Variants in GPC5 observed in about 807,000 individuals in gnomAD.
The protein encoded by GPC5 is glypican 5.
GPC5 carries 47 observed loss-of-function variants against 53.9 expected under a neutral mutation model. The observed-to-expected ratio is 0.87, with a 90% CI of 0.69 to 1.11. GPC5 has a LOEUF of 1.11. Ranked by LOEUF, GPC5 falls within the 50% of genes most tolerant of loss-of-function variation. The pLI, the probability that GPC5 is intolerant of heterozygous loss-of-function variation, is 0.00. For missense variants in GPC5, 748 were observed against 713.1 expected (o/e 1.05, Z -0.56); for synonymous variants, 286 against 263.3 (o/e 1.09, Z -0.84).
At chr13:92,245,076 T>G (rs2042640703) in intron 7 of GPC5, among the ~76,000 whole-genome samples, 3 of 151,904 alleles carry the variant, frequency 2.0e-5, no homozygotes, top group Admixed American at 2.0e-4. Context: ...TCCTTCTGGT[T>G]AAATGTTCTC....
At chr13:92,478,646 G>T (rs1470405673) in intron 7 of GPC5, among the ~76,000 whole-genome samples, 25 of 152,106 alleles carry the variant, frequency 1.6e-4, no homozygotes, top group Non-Finnish European at 3.4e-4. Context: ...AATAGGAAGA[G>T]AAAAGATAAA....
chr13:92,784,903 T>C (rs973824201), intron 7 of GPC5, among the ~76,000 whole-genome samples: 1 of 152,200 alleles, frequency 6.6e-6, no homozygotes. Flanking sequence ...TTATAGACTG[T>C]ATTATATCAT....
intron 2 of GPC5, among the ~76,000 whole-genome samples, chr13:91,635,702 C>T (rs2034268634): frequency 6.6e-6 from 1 of 152,152 alleles, no homozygotes; most frequent in African/African-American, 2.4e-5. Context: ...TAGTTTCCCA[C>T]TGCTACTTCC....
chr13:92,257,078 T>C (rs773189440), intron 7 of GPC5, among the ~76,000 whole-genome samples: 1 of 152,132 alleles, frequency 6.6e-6, no homozygotes, highest in Non-Finnish European at 1.5e-5. Flanking sequence ...TTTCTTACTT[T>C]ACCAATAAAA....
intron 7 of GPC5, among the ~76,000 whole-genome samples, chr13:92,605,585 TTTTTTTTA>T (rs1566315816): frequency 1.3e-5 from 2 of 149,262 alleles, no homozygotes; most frequent in South Asian, 2.1e-4. Flanking sequence ...AGTTTTTTTT[TTTTTTTTA>T]TTTTTTTGAG....
At chr13:91,946,629 T>C (rs558754552) in intron 6 of GPC5, among the ~76,000 whole-genome samples, 1 of 152,208 alleles carries the variant, frequency 6.6e-6, no homozygotes, top group Non-Finnish European at 1.5e-5. Context: ...TCAGATTGCA[T>C]GTTACGTGAC....
intron 2 of GPC5, among the ~76,000 whole-genome samples, chr13:91,550,582 G>C (rs992022374): frequency 2.0e-5 from 3 of 152,122 alleles, no homozygotes; most frequent in Non-Finnish European, 4.4e-5. Context: ...TGTTCTTGTG[G>C]ATAGGAAGTA....
intron 7 of GPC5, chr13:92,490,145 G>A (rs1412508795): frequency 6.5e-6 from 1 of 154,346 alleles, no homozygotes. Flanking sequence ...GGTTCTTTGT[G>A]AATTATTAGG....
intron 7 of GPC5, among the ~76,000 whole-genome samples, chr13:92,168,095 C>T (rs1041575255): frequency 3.9e-5 from 6 of 152,014 alleles, no homozygotes; most frequent in Non-Finnish European, 8.8e-5. Flanking sequence ...CAATCATGGC[C>T]CTGATAAAAA....
intron 7 of GPC5, among the ~76,000 whole-genome samples, chr13:92,698,297 C>T (rs2139244740): frequency 6.6e-6 from 1 of 152,178 alleles, no homozygotes; most frequent in Non-Finnish European, 1.5e-5. Context: ...GGTGTATCTC[C>T]TAATGCTATC....
At chr13:91,461,538 G>A (rs546039074) in intron 2 of GPC5, among the ~76,000 whole-genome samples, 4 of 152,226 alleles carry the variant, frequency 2.6e-5, no homozygotes, top group South Asian at 4.1e-4. Flanking sequence ...AGAATGGAAC[G>A]ATAATAGTAC....
chr13:91,829,955 C>A (rs2038629967), intron 5 of GPC5, among the ~76,000 whole-genome samples: 1 of 152,062 alleles, frequency 6.6e-6, no homozygotes, highest in Non-Finnish European at 1.5e-5. Context: ...ATTAAAATTG[C>A]TAATGAAGTT....
At chr13:92,534,562 T>C (rs1881663935) in intron 7 of GPC5, among the ~76,000 whole-genome samples, 1 of 152,142 alleles carries the variant, frequency 6.6e-6, no homozygotes, top group Non-Finnish European at 1.5e-5. Flanking sequence ...ATTTTTTAGG[T>C]AGAAAATGGA....
At chr13:92,497,958 T>A (rs7490474) in intron 7 of GPC5, among the ~76,000 whole-genome samples, 28,773 of 151,878 alleles carry the variant, frequency 0.19, 2,693 homozygotes, top group South Asian at 0.21. Context: ...CTGAGACTGC[T>A]GAAGTTGCTT....
intron 5 of GPC5, among the ~76,000 whole-genome samples, chr13:91,828,838 A>G (rs2038613712): frequency 6.6e-6 from 1 of 152,084 alleles, no homozygotes; most frequent in Non-Finnish European, 1.5e-5. Flanking sequence ...CTTCCTTGCA[A>G]TAAACAAAAA....
intron 7 of GPC5, among the ~76,000 whole-genome samples, chr13:92,809,035 A>G (rs1877201853): frequency 6.6e-6 from 1 of 152,136 alleles, no homozygotes; most frequent in Non-Finnish European, 1.5e-5. Context: ...CAGGAGGTAG[A>G]CCACATGAGT....
Position 92,031,800 on chromosome 13 carries a change from A to AATATGTAATATATTACATATT in GPC5, c.1402-113026_1402-113025insGTAATATATTACATATTATAT, listed in dbSNP as rs1566403328. The stretch of plus-strand genomic sequence containing the variant: ...ATATAATATATTACATATTATATAT[A>AATATGTAATATATTACATATT]ATATATAATATATTACATATTATAT... On this transcript the variant is annotated intron_variant, in intron 6 of 7. Transcript: ENST00000377067. Among the ~76,000 whole-genome samples, 49 of 105,910 alleles carry AATATGTAATATATTACATATT rather than the reference A, an allele frequency of 4.6e-4. 4 individuals are homozygous for AATATGTAATATATTACATATT. The highest frequency in any genetic ancestry group is 1.9e-3 in the African/African-American group (47 of 24,244). 69.5% of individuals were successfully genotyped at this position (105,910 alleles called of 152,430 possible).
chr13:92,089,490 G>A (rs2041362415), intron 6 of GPC5, among the ~76,000 whole-genome samples: 1 of 135,700 alleles, frequency 7.4e-6, no homozygotes, highest in African/African-American at 2.5e-5. Context: ...AACATTTCTA[G>A]TATTTCCCAC....
intron 7 of GPC5, among the ~76,000 whole-genome samples, chr13:92,763,437 G>T (rs1875272147): frequency 1.3e-5 from 2 of 152,126 alleles, no homozygotes; most frequent in Admixed American, 1.3e-4. Flanking sequence ...TGGCAGTGTA[G>T]GTTGTTGGGG....
Sources: gnomAD v4.1 joint callset for allele counts (sites outside exome capture counted in the v4.1 genomes callset) on GRCh38, gnomAD v4.1.1 for gene constraint, MANE v1.5 for transcripts, NCBI Gene and HGNC (gene_info 2026-07-23, HGNC 2026-07-21) for gene names.